The following GRID2 variants were observed in gnomAD, a reference collection of about 807,000 sequenced individuals.
The protein encoded by GRID2 is glutamate ionotropic receptor delta type subunit 2.
In GRID2, 33 loss-of-function variants were observed where a neutral mutation model predicts 114.8. The ratio of observed to expected loss-of-function variants is 0.29; its 90% CI spans 0.22 to 0.38. The LOEUF (loss-of-function observed/expected upper bound fraction) is 0.38, where lower values mean the gene tolerates loss of function less well. Among genes scored for constraint, GRID2 ranks in the 10% least tolerant of loss-of-function variants. GRID2 has a pLI of 1.00. For missense variants in GRID2, 1,184 were observed against 1,257.7 expected, an observed-to-expected ratio of 0.94 and a Z score of 0.89; for synonymous variants, 505 against 449.9, an observed-to-expected ratio of 1.12 and a Z score of -1.55.
chr4:92,371,785 T>C (rs1729129020), intron 1 of GRID2, among the ~76,000 whole-genome samples: 1 of 152,196 alleles, frequency 6.6e-6, no homozygotes, highest in Non-Finnish European at 1.5e-5. Context: ...AAACATTTCA[T>C]AAGACTATAG....
At position 93,392,988 on chromosome 4, in the gene GRID2, G is replaced by C. The variant is rs1404687129; in HGVS notation, c.1246-2619G>C. On this transcript the variant is annotated intron_variant, in intron 8 of 15. Coordinates refer to ENST00000282020, the MANE Select transcript of GRID2 (RefSeq NM_001510.4). ...CATGTATAAAAAGCTCAGTACCATG[G>C]CTGACACATAGAAAGTATTTAACAG... Among the ~76,000 whole-genome samples the C allele has an allele frequency of 3.3e-5, 5 of 151,906 alleles. No homozygotes were observed. In the East Asian group the frequency reaches 9.7e-4, roughly 29 times the overall value.
rs1730225927 is a variant in GRID2, at chr4:93,085,200, C to G, written c.450C>G (p.Val150=). 1.2e-6 allele frequency: 2 copies of G among 1,613,742 alleles called. No homozygotes were observed. The highest frequency in any genetic ancestry group is 1.7e-6 in the Non-Finnish European group (2 of 1,179,612). Residue 150 remains valine (V), a synonymous_variant, in exon 3 of 16, where the codon GTC becomes GTG. Transcript: ENST00000282020. ...DDYTLSVRPP[V]YLHDVILRVV... ...ACACTCTCTCAGTTCGCCCACCTGT[C>G]TACTTGCATGATGTTATCCTAAGAG...
In GRID2 at chr4:92,558,219, A is replaced by G. The variant is rs147917541; in HGVS notation, c.89-31912A>G. Among the ~76,000 whole-genome samples, 580 of 152,278 alleles carry G rather than the reference A, an allele frequency of 3.8e-3. 5 individuals carry two copies. Among genetic ancestry groups the G allele is most frequent in the African/African-American group, 0.013 (561 of 41,558 alleles). The stretch of plus-strand genomic sequence containing the variant: ...TAGATGGGGAGTTTGGAAGAGTAAA[A>G]TAAAGGTCAATTAGAAAACTATGCA... On this transcript the variant is annotated intron_variant, in intron 1 of 15. Transcript: ENST00000282020.
chr4:93,181,942 C>A (rs1184444646), intron 4 of GRID2, among the ~76,000 whole-genome samples: 1 of 152,048 alleles, frequency 6.6e-6, no homozygotes, highest in East Asian at 1.9e-4. Context: ...CCAATATTTA[C>A]AAAATATGGT....
At chr4:92,632,100 T>C (rs947880616) in intron 2 of GRID2, among the ~76,000 whole-genome samples, 1 of 152,192 alleles carries the variant, frequency 6.6e-6, no homozygotes, top group Non-Finnish European at 1.5e-5. Context: ...ATGTATTCAC[T>C]ATTTCAAAGG....
chr4:92,796,237 G>A (rs982542613), intron 2 of GRID2, among the ~76,000 whole-genome samples: 3 of 151,798 alleles, frequency 2.0e-5, no homozygotes, highest in African/African-American at 7.3e-5. Context: ...GTGTCTGGGG[G>A]CAAGTAGACC....
At chr4:92,741,658 C>T (rs560649458) in intron 2 of GRID2, among the ~76,000 whole-genome samples, 2 of 152,270 alleles carry the variant, frequency 1.3e-5, no homozygotes, top group Admixed American at 1.3e-4. Context: ...CTGTCTATGT[C>T]CCCCAACTCT....
intron 2 of GRID2, among the ~76,000 whole-genome samples, chr4:92,608,454 AATT>A: frequency 6.6e-6 from 1 of 152,004 alleles, no homozygotes; most frequent in Admixed American, 6.6e-5. Flanking sequence ...ATTTTAAAAT[AATT>A]ATTCTACATC....
intron 1 of GRID2, among the ~76,000 whole-genome samples, chr4:92,574,630 T>C (rs1727799541): frequency 6.6e-6 from 1 of 152,142 alleles, no homozygotes; most frequent in African/African-American, 2.4e-5. Flanking sequence ...AATTCTGTTC[T>C]TTAAAATGTT....
chr4:93,581,818 A>C (rs1272696461), intron 13 of GRID2, among the ~76,000 whole-genome samples: 1 of 152,048 alleles, frequency 6.6e-6, no homozygotes, highest in Non-Finnish European at 1.5e-5. Flanking sequence ...GTGATGTGAC[A>C]CTCAGTTTGC....
At chr4:92,492,288 T>C (rs1463776188) in intron 1 of GRID2, among the ~76,000 whole-genome samples, 6 of 152,198 alleles carry the variant, frequency 3.9e-5, no homozygotes, top group African/African-American at 1.4e-4. Flanking sequence ...TTATTATATA[T>C]GGTTAGAAGA....
downstream of GRID2, among the ~76,000 whole-genome samples, chr4:93,775,592 A>G (rs572498570): frequency 6.6e-6 from 1 of 152,294 alleles, no homozygotes; most frequent in South Asian, 2.1e-4. Context: ...TTTTTGGCCC[A>G]TTGTTTGTCC....
intron 2 of GRID2, among the ~76,000 whole-genome samples, chr4:92,794,874 T>TA: frequency 9.4e-6 from 1 of 106,036 alleles, no homozygotes; most frequent in East Asian, 3.0e-4. Context: ...AATAATTGTT[T>TA]TATATATATA....
At chr4:92,319,829 T>A (rs1046918188) in intron 1 of GRID2, among the ~76,000 whole-genome samples, 5 of 152,202 alleles carry the variant, frequency 3.3e-5, no homozygotes, top group African/African-American at 1.2e-4. Context: ...CAAATCTTAG[T>A]TTTTCAGTTT....
chr4:93,288,444 A>G (rs1753405588), intron 8 of GRID2, among the ~76,000 whole-genome samples: 1 of 152,038 alleles, frequency 6.6e-6, no homozygotes, highest in Non-Finnish European at 1.5e-5. Context: ...GGCATTCATG[A>G]TGCTGTTGGT....
intron 8 of GRID2, among the ~76,000 whole-genome samples, chr4:93,309,391 C>T (rs1755771517): frequency 6.6e-6 from 1 of 151,914 alleles, no homozygotes; most frequent in African/African-American, 2.4e-5. Flanking sequence ...AAAAATTAGC[C>T]AGGCATGGTC....
intron 4 of GRID2, among the ~76,000 whole-genome samples, chr4:93,185,046 T>G (rs1392973504): frequency 2.0e-5 from 3 of 152,204 alleles, no homozygotes; most frequent in Non-Finnish European, 4.4e-5. Context: ...TGGTTAGGAT[T>G]ATTAGTTAGT....
chr4:92,610,565 C>T (rs1729668261), intron 2 of GRID2, among the ~76,000 whole-genome samples: 2 of 151,592 alleles, frequency 1.3e-5, no homozygotes, highest in African/African-American at 4.8e-5. Context: ...TCCTTTTCCA[C>T]TTCCTCGTCC....
chr4:92,953,386 T>C (rs1243553668), intron 2 of GRID2, among the ~76,000 whole-genome samples: 2 of 152,208 alleles, frequency 1.3e-5, no homozygotes, highest in Admixed American at 6.5e-5. Context: ...CTTTAGATGA[T>C]AGTCTACTAT....
Sources: gnomAD v4.1 joint callset for allele counts (sites outside exome capture counted in the v4.1 genomes callset) on GRCh38, gnomAD v4.1.1 for gene constraint, MANE v1.5 for transcripts, NCBI Gene and HGNC (gene_info 2026-07-23, HGNC 2026-07-21) for gene names.